Variants in ZNF112 observed in about 807,000 individuals in gnomAD.
ZNF112 encodes zinc finger protein 112 (Y14).
Under a neutral mutation model 77.7 loss-of-function variants are expected in ZNF112, and 37 were observed. The ratio of observed to expected loss-of-function variants is 0.48; its 90% CI spans 0.37 to 0.63. The LOEUF is 0.63. ZNF112 is among the 20% of genes least tolerant of loss of function. ZNF112 has a pLI of 0.00. For missense variants in ZNF112, 950 were observed against 1,077.4 expected, an observed-to-expected ratio of 0.88 and a Z score of 1.66; for synonymous variants, 333 against 363.6, an observed-to-expected ratio of 0.92 and a Z score of 0.96.
chr19:44,337,976 T>TTAA lies in ZNF112; in HGVS notation c.125-1259_125-1258insTTA, dbSNP rs1351998700. Among the ~76,000 whole-genome samples, 15 of 104,540 alleles carry TTAA rather than the reference T, an allele frequency of 1.4e-4. 1 individual carries two copies. Among genetic ancestry groups the TTAA allele is most frequent in the Non-Finnish European group, 2.7e-4 (13 of 48,830 alleles). 68.6% of individuals were successfully genotyped at this position (104,540 alleles called of 152,430 possible). The stretch of plus-strand genomic sequence containing the variant: ...TTGGCATTAAATACCATTCCCCAGT[T>TTAA]AAAAAAAAAAAAAAAAAAAAAGATA... On this transcript the variant is annotated intron_variant, in intron 2 of 3. Transcript: ENST00000354340.
At chr19:44,365,857 A>G (rs1469495517) in intron 1 of ZNF112, among the ~76,000 whole-genome samples, 1 of 152,182 alleles carries the variant, frequency 6.6e-6, no homozygotes, top group East Asian at 1.9e-4. Context: ...TGTAGCTGCC[A>G]CAAAACTTCA....
chr19:44,327,656 T>C lies in ZNF112; in HGVS notation c.2501A>G (p.Lys834Arg). ...EKPYKCEVCG[K>R]GFSQRSNLQA... is the part of the protein sequence containing the mutation. ...AAGATTTGATCTCTGACTGAAGCCC[T>C]TTCCACATACCTCACATTTGTATGG... The change falls in exon 4 of 4, where the codon AAG becomes AGG. Residue 834 changes from lysine (K) to arginine (R), a missense_variant. By Grantham distance (26) the Lys-to-Arg change is conservative. This residue lies in a region of ZNF112 where 373 missense variants were observed against 482.8 expected (regional missense o/e 0.77). Coordinates refer to ENST00000354340, the MANE Select transcript of ZNF112 (RefSeq NM_013380.4). 2 of 1,614,088 alleles carry C rather than the reference T, an allele frequency of 1.2e-6. No homozygotes were observed. Among genetic ancestry groups the C allele is most frequent in the East Asian group, 2.2e-5 (1 of 44,860 alleles).
rs767524850 is a variant in ZNF112 at position 44,329,017 on chromosome 19, G to A, written c.1140C>T (p.Pro380=). The stretch of plus-strand genomic sequence containing the variant: ...CATTCTCATTTTCCTCATATTCATG[G>A]GGTTCATCCCTAGTATGGACCCTAA... ...SIFRVHTRDE[P]HEYEENENVF... The change falls in exon 4 of 4, where the codon CCC becomes CCT. Residue 380 remains proline, a synonymous_variant. Transcript: ENST00000354340. 6.2e-7 allele frequency: 1 copy of A among 1,613,832 alleles called. No individual in the cohort carries two copies. Among genetic ancestry groups the A allele is most frequent in the Non-Finnish European group, 8.5e-7 (1 of 1,179,950 alleles).
intron 2 of ZNF112, among the ~76,000 whole-genome samples, chr19:44,337,368 TATATA>T: frequency 1.7e-5 from 1 of 57,838 alleles, no homozygotes; most frequent in African/African-American, 8.1e-5. Flanking sequence ...TATATTATTA[TATATA>T]TTTTATATAT....
upstream of ZNF112, among the ~76,000 whole-genome samples, chr19:44,359,260 T>C (rs1030911726): frequency 1.3e-5 from 2 of 150,096 alleles, no homozygotes; most frequent in African/African-American, 4.9e-5. Flanking sequence ...AGGTGGTTGC[T>C]GCTTGCTGCA....
intron 1 of ZNF112, among the ~76,000 whole-genome samples, chr19:44,349,593 A>G (rs967218485): frequency 3.3e-5 from 5 of 152,086 alleles, no homozygotes; most frequent in African/African-American, 1.2e-4. Flanking sequence ...AGAAAATTTT[A>G]AATAAAATGT....
At position 44,329,492 on chromosome 19, in the gene ZNF112, T is replaced by C. The variant is rs142919273; in HGVS notation, c.665A>G (p.Lys222Arg). ...ACAGTCATGGCAGCTGTAGTTTTCTTTTCTGTGTACTTCCAGTTTATCATT... is the reference window on the plus strand; with the variant it reads ...ACAGTCATGGCAGCTGTAGTTTTCTCTTCTGTGTACTTCCAGTTTATCATT... ...HHNDKLEVHR[K>R]ENYSCHDCGE... Residue 222 changes from lysine (K) to arginine (R), a missense_variant, in exon 4 of 4, where the codon AAA becomes AGA. Physicochemically the swap from Lys to Arg is conservative, Grantham distance 26. Coordinates refer to ENST00000354340, the MANE Select transcript of ZNF112 (RefSeq NM_013380.4). 4.0e-4 allele frequency: 639 copies of C among 1,614,146 alleles called. 1 individual carries two copies. In the African/African-American group the frequency reaches 7.8e-3, roughly 20 times the overall value.
At chr19:44,348,995 G>A (rs1307687963) in intron 1 of ZNF112, among the ~76,000 whole-genome samples, 1 of 151,930 alleles carries the variant, frequency 6.6e-6, no homozygotes, top group African/African-American at 2.4e-5. Context: ...GCTAAGAACG[G>A]CTTTTACTTT....
At chr19:44,355,130 G>A (rs1259134566) in intron 1 of ZNF112, among the ~76,000 whole-genome samples, 2 of 152,066 alleles carry the variant, frequency 1.3e-5, no homozygotes, top group Non-Finnish European at 2.9e-5. Flanking sequence ...TTGAAGCTGG[G>A]TGACGCTTCC....
chr19:44,329,691 T>C lies in ZNF112; in HGVS notation c.466A>G (p.Ile156Val), dbSNP rs1011904243. ...SEDKNYIFTH[I>V]GNGSNYIKSQ... ...TTTATATAATTGGAGCCATTCCCTA[T>C]ATGAGTGAATATATAGTTCTTATCT... The change falls in exon 4 of 4, where the codon ATA (isoleucine) becomes GTA (valine). Residue 156 changes from isoleucine to valine, a missense_variant. Ile to Val is a conservative substitution (Grantham distance 29). This residue lies in a region of ZNF112 where 560 missense variants were observed against 557.3 expected (regional missense o/e 1.00). Coordinates refer to ENST00000354340, the MANE Select transcript of ZNF112 (RefSeq NM_013380.4). The C allele has an allele frequency of 7.4e-6, 12 of 1,613,984 alleles. No individual in the cohort carries two copies. Among genetic ancestry groups the C allele is most frequent in the Admixed American group, 3.3e-5 (2 of 59,984 alleles).
At chr19:44,343,875 T>C (rs1051034939) in intron 1 of ZNF112, among the ~76,000 whole-genome samples, 14 of 152,218 alleles carry the variant, frequency 9.2e-5, no homozygotes, top group Non-Finnish European at 1.9e-4. Flanking sequence ...CCCTGGCGAA[T>C]GTATTTTGTA....
chr19:44,353,035 G>GA (rs1401860797), intron 1 of ZNF112, among the ~76,000 whole-genome samples: 2 of 151,758 alleles, frequency 1.3e-5, no homozygotes, highest in East Asian at 1.9e-4. Context: ...AGCAATTTTG[G>GA]AAAAAAAGAA....
intron 1 of ZNF112, among the ~76,000 whole-genome samples, chr19:44,344,675 A>C (rs1410269450): frequency 6.6e-6 from 1 of 152,234 alleles, no homozygotes; most frequent in Non-Finnish European, 1.5e-5. Context: ...GAGTCCTTTG[A>C]GAGAGCATGG....
intron 1 of ZNF112, chr19:44,367,060 A>T: frequency 2.2e-6 from 1 of 455,740 alleles, no homozygotes; most frequent in South Asian, 1.5e-5. Flanking sequence ...AATGCTGCAA[A>T]CTCGACAAAG....
At chr19:44,330,808 G>A (rs1390484310) in intron 3 of ZNF112, among the ~76,000 whole-genome samples, 2 of 152,174 alleles carry the variant, frequency 1.3e-5, no homozygotes, top group African/African-American at 4.8e-5. Context: ...GATCTGAAGG[G>A]GAAAAGAGGA....
At chr19:44,355,756 C>G (rs562110104) in intron 1 of ZNF112, among the ~76,000 whole-genome samples, 2 of 152,322 alleles carry the variant, frequency 1.3e-5, no homozygotes, top group South Asian at 4.1e-4. Flanking sequence ...TGTTTAAATA[C>G]TATCTTTATT....
chr19:44,347,506 TACTA>T (rs1970615557), intron 1 of ZNF112, among the ~76,000 whole-genome samples: 4 of 100,036 alleles, frequency 4.0e-5, no homozygotes, highest in African/African-American at 3.1e-5. Context: ...TTTTTTTTTT[TACTA>T]TTCCATTCAT....
At chr19:44,352,926 T>C (rs2123209901) in intron 1 of ZNF112, among the ~76,000 whole-genome samples, 1 of 152,236 alleles carries the variant, frequency 6.6e-6, no homozygotes, top group East Asian at 1.9e-4. Context: ...CTACTGATTT[T>C]ACATAATGTC....
intron 3 of ZNF112, among the ~76,000 whole-genome samples, chr19:44,330,621 C>A (rs1808735): frequency 0.63 from 96,493 of 151,970 alleles, 30,838 homozygotes; most frequent in Admixed American, 0.74. Context: ...CTGTAGTCCC[C>A]GTTACTGAGG....
Sources: gnomAD v4.1 joint callset for allele counts (sites outside exome capture counted in the v4.1 genomes callset) on GRCh38, gnomAD v4.1.1 for gene constraint, gnomAD v4.1.1 regional missense constraint, MANE v1.5 for transcripts, NCBI Gene and HGNC (gene_info 2026-07-23, HGNC 2026-07-21) for gene names.